Variants in TFAP2D observed in about 807,000 individuals in gnomAD.
The protein encoded by TFAP2D is transcription factor AP-2-delta.
Under a neutral mutation model 43.6 loss-of-function variants are expected in TFAP2D, and 9 were observed. The observed-to-expected ratio is 0.21, with a 90% confidence interval of 0.12 to 0.36. TFAP2D has a LOEUF of 0.36. Among genes scored for constraint, TFAP2D ranks in the 10% least tolerant of loss-of-function variants. The pLI is 1.00. For missense variants in TFAP2D, 513 were observed against 561.4 expected, an observed-to-expected ratio of 0.91 and a Z score of 0.87; for synonymous variants, 256 against 224.9, an observed-to-expected ratio of 1.14 and a Z score of -1.24.
At position 50,729,308 on chromosome 6, in the gene TFAP2D, T is replaced by C. The variant is rs112310724; in HGVS notation, c.879T>C (p.Val293=). The part of the protein sequence containing the change: ...AANVTLLTSL[V]EGEALHLARD... Reference sequence around the variant, plus strand: ...ATGTCACCCTCCTTACTTCCTTGGTTGAAGGTATGACTTTTCAGTTTAGCA... The same window carrying C: ...ATGTCACCCTCCTTACTTCCTTGGTCGAAGGTATGACTTTTCAGTTTAGCA... Residue 293 remains valine, a synonymous_variant, in exon 5 of 8, where the codon GTT becomes GTC. Transcript: ENST00000008391. 342 of 1,613,418 alleles carry C rather than the reference T, an allele frequency of 2.1e-4. No homozygotes were observed. The highest frequency in any genetic ancestry group is 3.0e-4 in the Admixed American group (18 of 59,990).
chr6:50,728,802 G>T (rs752761627), intron 3 of TFAP2D, 54 bp from the exon 4 acceptor site: 5 of 1,566,332 alleles, frequency 3.2e-6, no homozygotes, highest in Non-Finnish European at 3.5e-6. Flanking sequence ...TGCCTCTCAT[G>T]CAGTTAGCTT....
At position 50,745,302 on chromosome 6, in the gene TFAP2D, A is replaced by G. The variant is rs146519114; in HGVS notation, c.1025+54A>G. The G allele has an allele frequency of 1.9e-3, 2,998 of 1,597,576 alleles. 42 individuals carry two copies. In the African/African-American group the frequency reaches 0.034, roughly 18 times the overall value. On this transcript the variant is annotated intron_variant, in intron 6 of 7. Coordinates refer to ENST00000008391, the MANE Select transcript of TFAP2D (RefSeq NM_172238.4). ...CTTTCATCTTCAGTATTTTTTTTTC[A>G]TTTTCTTTGAAATGAGGAAAACAGT...
intron 5 of TFAP2D, among the ~76,000 whole-genome samples, chr6:50,743,946 T>C (rs1358431924): frequency 1.3e-5 from 2 of 152,202 alleles, no homozygotes; most frequent in Non-Finnish European, 2.9e-5. Flanking sequence ...AGGCAATCTT[T>C]GGTACTCTTT....
At chr6:50,759,963 G>A (rs1361419177) in intron 7 of TFAP2D, among the ~76,000 whole-genome samples, 1 of 151,982 alleles carries the variant, frequency 6.6e-6, no homozygotes, top group Non-Finnish European at 1.5e-5. Context: ...GAGTTTCATA[G>A]AGCACTAGTC....
At chr6:50,744,070 C>T (rs2113882281) in intron 5 of TFAP2D, among the ~76,000 whole-genome samples, 1 of 152,226 alleles carries the variant, frequency 6.6e-6, no homozygotes, top group South Asian at 2.1e-4. Context: ...CTTTTAGGTT[C>T]AGGGGTGCAT....
chr6:50,748,471 CT>C (rs1194180648), intron 6 of TFAP2D, among the ~76,000 whole-genome samples: 4 of 151,726 alleles, frequency 2.6e-5, no homozygotes, highest in African/African-American at 9.7e-5. Flanking sequence ...CTACATATTT[CT>C]TTTTTACCTC....
chr6:50,731,017 C>G (rs1014528069), intron 5 of TFAP2D, among the ~76,000 whole-genome samples: 1 of 152,046 alleles, frequency 6.6e-6, no homozygotes, highest in Non-Finnish European at 1.5e-5. Context: ...ACTATGTTCA[C>G]AATTCTTACT....
At chr6:50,734,281 T>TA (rs1227751506) in intron 5 of TFAP2D, among the ~76,000 whole-genome samples, 1 of 152,020 alleles carries the variant, frequency 6.6e-6, no homozygotes, top group Non-Finnish European at 1.5e-5. Context: ...ACCCTCAGAA[T>TA]AATATCATTT....
At chr6:50,723,717 G>T (rs1339558178) in intron 3 of TFAP2D, among the ~76,000 whole-genome samples, 1 of 152,210 alleles carries the variant, frequency 6.6e-6, no homozygotes, top group East Asian at 1.9e-4. Context: ...TAGAGGGAAA[G>T]AGGTAGCTTT....
intron 7 of TFAP2D, among the ~76,000 whole-genome samples, chr6:50,768,299 A>T (rs1581780544): frequency 2.8e-5 from 2 of 72,658 alleles, no homozygotes; most frequent in African/African-American, 5.3e-5. Flanking sequence ...TGGAGATTCT[A>T]CATTATTCCT....
At chr6:50,766,063 C>A (rs2206275) in intron 7 of TFAP2D, among the ~76,000 whole-genome samples, 46,143 of 151,930 alleles carry the variant, frequency 0.3, 7,155 homozygotes, top group East Asian at 0.42. Context: ...GATAAGGATC[C>A]AATTTTACTT....
chr6:50,737,435 G>A (rs1441696007), intron 5 of TFAP2D, among the ~76,000 whole-genome samples: 1 of 152,146 alleles, frequency 6.6e-6, no homozygotes, highest in Non-Finnish European at 1.5e-5. Context: ...AAGGCAAAGA[G>A]TAATTTTACT....
chr6:50,717,851 C>T (rs141463493), intron 2 of TFAP2D, among the ~76,000 whole-genome samples: 28 of 152,250 alleles, frequency 1.8e-4, no homozygotes, highest in African/African-American at 6.5e-4. Context: ...GGGAGAAACC[C>T]GTCTCTCTCC....
intron 2 of TFAP2D, among the ~76,000 whole-genome samples, chr6:50,717,576 T>G (rs1768647426): frequency 6.6e-6 from 1 of 152,196 alleles, no homozygotes; most frequent in Non-Finnish European, 1.5e-5. Flanking sequence ...TGAAGCAAAA[T>G]TACTCATACT....
chr6:50,726,283 C>G (rs554425708), intron 3 of TFAP2D, among the ~76,000 whole-genome samples: 1 of 152,162 alleles, frequency 6.6e-6, no homozygotes, highest in Admixed American at 6.5e-5. Context: ...CTACATCTCC[C>G]TAAATTAGGT....
intron 5 of TFAP2D, among the ~76,000 whole-genome samples, chr6:50,734,211 G>C (rs539601062): frequency 1.3e-5 from 2 of 151,996 alleles, no homozygotes; most frequent in East Asian, 3.9e-4. Context: ...TAAATTAGTT[G>C]TTTTGTGCCA....
chr6:50,719,394 C>G (rs1049114550), intron 3 of TFAP2D, among the ~76,000 whole-genome samples: 4 of 150,952 alleles, frequency 2.6e-5, no homozygotes, highest in African/African-American at 9.8e-5. Context: ...CCTCACAGAA[C>G]AGTGACAGAA....
At chr6:50,744,106 G>C (rs1769091810) in intron 5 of TFAP2D, among the ~76,000 whole-genome samples, 1 of 152,132 alleles carries the variant, frequency 6.6e-6, no homozygotes, top group South Asian at 2.1e-4. Context: ...TAGGTAAACT[G>C]TGTCATGGGG....
chr6:50,770,916 G>A (rs1315791706), intron 7 of TFAP2D, among the ~76,000 whole-genome samples: 1 of 151,996 alleles, frequency 6.6e-6, no homozygotes, highest in Non-Finnish European at 1.5e-5. Context: ...TATAACATGG[G>A]CATACTATGT....
Sources: gnomAD v4.1 joint callset for allele counts (sites outside exome capture counted in the v4.1 genomes callset) on GRCh38, gnomAD v4.1.1 for gene constraint, MANE v1.5 for transcripts, NCBI Gene and HGNC (gene_info 2026-07-23, HGNC 2026-07-21) for gene names.